ARMC8: variants seen among roughly 807,000 people sequenced by gnomAD.
The protein encoded by ARMC8 is armadillo repeat-containing protein 8.
A neutral mutation model predicts 99.3 loss-of-function variants in ARMC8; 20 were observed. The ratio of observed to expected loss-of-function variants is 0.20; its 90% confidence interval spans 0.14 to 0.29. The LOEUF is 0.29. Among genes scored for constraint, ARMC8 ranks in the 10% least tolerant of loss-of-function variants. The pLI is 1.00. For missense variants in ARMC8, 569 were observed against 809.5 expected, an observed-to-expected ratio of 0.70 and a Z score of 3.60; for synonymous variants, 263 against 278.3, an observed-to-expected ratio of 0.95 and a Z score of 0.55.
intron 6 of ARMC8, among the ~76,000 whole-genome samples, chr3:138,234,728 A>T (rs1056721369): frequency 2.0e-5 from 3 of 152,178 alleles, no homozygotes; most frequent in Admixed American, 6.5e-5. Context: ...ATAATTGCAG[A>T]GGACTTGGGC....
intron 1 of ARMC8, among the ~76,000 whole-genome samples, chr3:138,199,399 T>C (rs1019398743): frequency 2.6e-5 from 4 of 152,212 alleles, no homozygotes; most frequent in African/African-American, 9.7e-5. Flanking sequence ...AAAATTGGAA[T>C]GTAGGAATTT....
At chr3:138,209,290 G>A (rs2044563734) in intron 1 of ARMC8, among the ~76,000 whole-genome samples, 2 of 152,120 alleles carry the variant, frequency 1.3e-5, no homozygotes, top group Non-Finnish European at 2.9e-5. Context: ...AAACTTCTAG[G>A]GCTCGCCACA....
intron 1 of ARMC8, among the ~76,000 whole-genome samples, chr3:138,209,028 C>G (rs1026972978): frequency 2.0e-5 from 3 of 152,204 alleles, no homozygotes; most frequent in African/African-American, 7.2e-5. Flanking sequence ...ACTTCTGCCT[C>G]CAGCAATGAA....
At chr3:138,207,958 A>C (rs932164649) in intron 1 of ARMC8, among the ~76,000 whole-genome samples, 1 of 152,194 alleles carries the variant, frequency 6.6e-6, no homozygotes, top group Non-Finnish European at 1.5e-5. Flanking sequence ...AAAATGAAGT[A>C]CATGCTAAAA....
chr3:138,243,419 A>T (rs1479036623), intron 11 of ARMC8, among the ~76,000 whole-genome samples: 1 of 151,946 alleles, frequency 6.6e-6, no homozygotes, highest in Admixed American at 6.6e-5. Flanking sequence ...AAATCTTCAC[A>T]TGTTAATAAA....
intron 18 of ARMC8, among the ~76,000 whole-genome samples, chr3:138,277,743 G>C (rs907203376): frequency 6.6e-6 from 1 of 152,134 alleles, no homozygotes; most frequent in Admixed American, 6.5e-5. Flanking sequence ...TTACAAAGTT[G>C]TACATATACG....
At chr3:138,247,311 A>T (rs546196028) in intron 12 of ARMC8, among the ~76,000 whole-genome samples, 2 of 152,094 alleles carry the variant, frequency 1.3e-5, no homozygotes, top group African/African-American at 4.8e-5. Context: ...TGATTTTTTT[A>T]AAATGCAATG....
At chr3:138,245,492 G>T (rs543849026) in intron 12 of ARMC8, 3 of 1,264,742 alleles carry the variant, frequency 2.4e-6, no homozygotes, top group Non-Finnish European at 2.0e-6. Flanking sequence ...TTCTAGCACT[G>T]TGAAGCTTCA....
At position 138,237,545 on chromosome 3, in the gene ARMC8, T is replaced by C; in HGVS notation, c.749T>C (p.Ile250Thr). ...AAGATGTTACAGAGGGATAAGCCTA[T>C]TGAGATGCAGCTCACATCAGCAAAA... ...FVKMLQRDKP[I>T]EMQLTSAKCL... The change falls in exon 9 of 22, where the codon ATT (isoleucine) becomes ACT (threonine). Residue 250 changes from isoleucine to threonine, a missense_variant. Transcript: ENST00000469044. The C allele has an allele frequency of 1.2e-6, 2 of 1,613,402 alleles. No individual in the cohort carries two copies. Among genetic ancestry groups the C allele is most frequent in the Non-Finnish European group, 1.7e-6 (2 of 1,179,940 alleles).
intron 18 of ARMC8, among the ~76,000 whole-genome samples, chr3:138,276,210 C>T (rs112392826): frequency 2.0e-4 from 31 of 152,284 alleles, no homozygotes; most frequent in Non-Finnish European, 4.0e-4. Context: ...AAACAGTCGG[C>T]TCACTAGCTA....
chr3:138,205,003 C>T (rs1377945274), intron 1 of ARMC8, among the ~76,000 whole-genome samples: 2 of 151,472 alleles, frequency 1.3e-5, no homozygotes, highest in Non-Finnish European at 2.9e-5. Flanking sequence ...AAATTCAGAC[C>T]TCCTACAGTC....
chr3:138,295,195 G>C (rs887219549), intron 21 of ARMC8, among the ~76,000 whole-genome samples: 1 of 152,042 alleles, frequency 6.6e-6, no homozygotes, highest in Non-Finnish European at 1.5e-5. Context: ...CACAGCACCC[G>C]GCCTACATTC....
intron 12 of ARMC8, among the ~76,000 whole-genome samples, chr3:138,258,522 A>G (rs1469650602): frequency 6.6e-6 from 1 of 152,180 alleles, no homozygotes; most frequent in African/African-American, 2.4e-5. Context: ...TGTGTATACC[A>G]TAAACCACCA....
intron 18 of ARMC8, among the ~76,000 whole-genome samples, chr3:138,279,232 T>G (rs1025593515): frequency 2.0e-5 from 3 of 152,190 alleles, no homozygotes; most frequent in Non-Finnish European, 4.4e-5. Flanking sequence ...TATTGGATTA[T>G]TTTTACTTTT....
Position 138,239,611 on chromosome 3 carries a change from A to T in ARMC8, c.837+83A>T, listed in dbSNP as rs907366979. 5 of 869,258 alleles carry T rather than the reference A, an allele frequency of 5.8e-6. No homozygotes were observed. The African/African-American group carries it at 8.7e-5, about 15-fold the overall frequency. 53.8% of individuals were successfully genotyped at this position (869,258 alleles called of 1,614,324 possible). ...AGTATTGATACTCATATTTCATTTT[A>T]CACATTTATCATTATGATATATGTG... On this transcript the variant is annotated intron_variant, in intron 10 of 21. Transcript: ENST00000469044.
At chr3:138,187,656 CA>C in intron 1 of ARMC8, 57 bp downstream of exon 1, 1 of 1,520,098 alleles carries the variant, frequency 6.6e-7, no homozygotes, top group South Asian at 1.2e-5. Flanking sequence ...TCCCGGTCTC[CA>C]CCATTCCCCC....
intron 1 of ARMC8, among the ~76,000 whole-genome samples, chr3:138,208,078 C>T (rs1327863208): frequency 3.6e-5 from 5 of 139,668 alleles, no homozygotes; most frequent in Admixed American, 7.8e-5. Context: ...CTGGGCAAGA[C>T]GGCATCTCTG....
chr3:138,241,632 T>A (rs531367446), intron 10 of ARMC8, 151 bp from the exon 11 acceptor site: 72 of 710,236 alleles, frequency 1.0e-4, no homozygotes, highest in African/African-American at 5.6e-4. Context: ...TTTTGCATTT[T>A]AAAAAAATCT....
rs1560017340 is a variant in ARMC8 at position 138,267,257 on chromosome 3, C to CT, written c.1386+20dup. The CT allele has an allele frequency of 6.7e-7, 1 of 1,488,394 alleles. No homozygotes were observed. The allele number at this position is 1,488,394 out of a possible 1,614,324, so 92.2% of individuals were successfully genotyped here. A position where few individuals can be genotyped will look rare whatever the true frequency, so the allele number is the denominator to read the frequency against. ...AAGCAAAGAGGTTAGTATTGATTTT[C>CT]TTTTCCTAGACTTTGCCCAGTCCAG... On this transcript the variant is annotated intron_variant, in intron 15 of 21. Transcript: ENST00000469044.
Sources: allele counts gnomAD v4.1 joint callset (sites outside exome capture counted in the v4.1 genomes callset), GRCh38; gene constraint gnomAD v4.1.1; transcripts MANE v1.5; gene names NCBI Gene and HGNC (gene_info 2026-07-23, HGNC 2026-07-21).